The following FAM174B variants were observed in gnomAD, a reference collection of about 807,000 sequenced individuals.
FAM174B encodes the protein family with sequence similarity 174 member B.
FAM174B carries 12 observed loss-of-function variants against 10.9 expected under a neutral mutation model. That is an observed-to-expected ratio of 1.10 (90% CI 0.71 to 1.79). FAM174B has a LOEUF of 1.79. Ranked by LOEUF, FAM174B falls within the 40% of genes most tolerant of loss-of-function variation. The probability of loss-of-function intolerance (pLI) is 0.00; values close to 1 mark genes in which losing one functional copy is unlikely to be tolerated. For missense variants in FAM174B, 266 were observed against 233.3 expected (o/e 1.14, Z -0.91); for synonymous variants, 132 against 115.8 (o/e 1.14, Z -0.90).
intron 2 of FAM174B, among the ~76,000 whole-genome samples, chr15:92,623,820 C>A (rs56265399): frequency 0.081 from 12,320 of 152,254 alleles, 788 homozygotes; most frequent in African/African-American, 0.17. Context: ...GACAGGGAAG[C>A]CCCTGGCAGT....
Position 92,626,635 on chromosome 15 carries a change from G to A in FAM174B, c.476+3579C>T, listed in dbSNP as rs192924820. 2.8e-3 allele frequency among the ~76,000 whole-genome samples: 433 copies of A among 152,198 alleles called. 2 individuals are homozygous for A. Among genetic ancestry groups the A allele is most frequent in the African/African-American group, 8.9e-3 (371 of 41,524 alleles). ...TGGGACAAAGGGGTTCTTTACGGCC[G>A]ATGGTCTGGAGCGGGAAACTTATAC... On this transcript the variant is annotated intron_variant, in intron 2 of 2. Coordinates refer to ENST00000327355, the MANE Select transcript of FAM174B (RefSeq NM_207446.3).
intron 1 of FAM174B, among the ~76,000 whole-genome samples, chr15:92,631,851 G>A (rs1257071130): frequency 6.6e-6 from 1 of 151,904 alleles, no homozygotes; most frequent in East Asian, 1.9e-4. Context: ...AAGCCCCAAA[G>A]ATCAAGATGT....
intron 2 of FAM174B, among the ~76,000 whole-genome samples, chr15:92,622,664 C>T (rs947079646): frequency 2.6e-5 from 4 of 152,246 alleles, no homozygotes; most frequent in African/African-American, 7.2e-5. Flanking sequence ...CTGGCTTAAA[C>T]GTCCCTTTGC....
chr15:92,628,678 C>T (rs948667987), intron 2 of FAM174B, among the ~76,000 whole-genome samples: 8 of 152,028 alleles, frequency 5.3e-5, no homozygotes, highest in Non-Finnish European at 1.0e-4. Flanking sequence ...ATAACCAATC[C>T]GTTTTAATGC....
intron 1 of FAM174B, among the ~76,000 whole-genome samples, chr15:92,632,172 A>G (rs2050823683): frequency 6.6e-6 from 1 of 152,230 alleles, no homozygotes; most frequent in Admixed American, 6.5e-5. Flanking sequence ...TTTTGTTTCC[A>G]TCATGAGGAT....
chr15:92,619,503 C>G (rs370127193), intron 2 of FAM174B, 44 bp from the exon 3 acceptor site: 1 of 1,604,324 alleles, frequency 6.2e-7, no homozygotes, highest in Non-Finnish European at 8.5e-7. Flanking sequence ...TCTGGCAGAG[C>G]CTCGCACCCA....
chr15:92,634,710 G>T (rs781757758), intron 1 of FAM174B: 2 of 152,166 alleles, frequency 1.3e-5, no homozygotes, highest in Non-Finnish European at 2.9e-5. Flanking sequence ...GGGCCACAGG[G>T]TGCCCAGACG....
At chr15:92,641,261 T>G (rs2050890045) in intron 1 of FAM174B, among the ~76,000 whole-genome samples, 1 of 152,218 alleles carries the variant, frequency 6.6e-6, no homozygotes, top group Non-Finnish European at 1.5e-5. Context: ...TCTCATTACT[T>G]GTTTGTGGAC....
intron 1 of FAM174B, among the ~76,000 whole-genome samples, chr15:92,637,006 C>CG (rs1279040868): frequency 2.6e-5 from 4 of 152,240 alleles, no homozygotes. Context: ...AGCCAGCCCA[C>CG]GCCCACTTCC....
At chr15:92,620,612 C>T (rs976372422) in intron 2 of FAM174B, among the ~76,000 whole-genome samples, 118 of 152,000 alleles carry the variant, frequency 7.8e-4, no homozygotes, top group African/African-American at 2.7e-3. Context: ...GTAAGGGGTT[C>T]GAGACCAGCC....
chr15:92,626,872 G>A (rs546966058), intron 2 of FAM174B, among the ~76,000 whole-genome samples: 2 of 152,136 alleles, frequency 1.3e-5, no homozygotes, highest in East Asian at 3.9e-4. Flanking sequence ...CCAACATGGT[G>A]AAACCCCGTC....
At chr15:92,633,291 T>C (rs142403171) in intron 1 of FAM174B, among the ~76,000 whole-genome samples, 2 of 152,258 alleles carry the variant, frequency 1.3e-5, no homozygotes, top group African/African-American at 4.8e-5. Context: ...AAACTTCACT[T>C]TCAGATTTTC....
At chr15:92,630,167 A>G (rs1298277008) in intron 2 of FAM174B, 47 bp downstream of exon 2, 1 of 1,603,224 alleles carries the variant, frequency 6.2e-7, no homozygotes, top group Admixed American at 1.7e-5. Flanking sequence ...GGTCCCACCA[A>G]CCCACTGCCC....
At chr15:92,640,904 C>CA (rs2050887376) in intron 1 of FAM174B, among the ~76,000 whole-genome samples, 1 of 152,070 alleles carries the variant, frequency 6.6e-6, no homozygotes, top group African/African-American at 2.4e-5. Context: ...CTCAGCCTCC[C>CA]AAAGTGCTGG....
At chr15:92,633,240 C>T (rs1378056635) in intron 1 of FAM174B, among the ~76,000 whole-genome samples, 1 of 152,138 alleles carries the variant, frequency 6.6e-6, no homozygotes, top group Admixed American at 6.5e-5. Context: ...GTCTTCAGCA[C>T]GGAGAAACTC....
Position 92,655,739 on chromosome 15 carries a change from C to A in FAM174B, c.-80G>T. ...TCCGCACCAGCACGGAGGCCTGCAC[C>A]GGGGGATCCTGCGGCGGAGGCGGCT... On this transcript the variant is annotated 5_prime_UTR_variant, in exon 1 of 3. Transcript: ENST00000327355. 1 of 1,146,452 alleles carries A rather than the reference C, an allele frequency of 8.7e-7. No homozygotes were observed. The highest frequency in any genetic ancestry group is 1.1e-6 in the Non-Finnish European group (1 of 920,554). The allele number at this position is 1,146,452 out of a possible 1,614,324, so 71.0% of individuals were successfully genotyped here.
In FAM174B at chr15:92,655,362, C is replaced by A. The variant is rs746416191; in HGVS notation, c.298G>T (p.Ala100Ser). 1.9e-6 allele frequency: 3 copies of A among 1,589,678 alleles called. No individual in the cohort carries two copies. Among genetic ancestry groups the A allele is most frequent in the Non-Finnish European group, 2.6e-6 (3 of 1,168,766 alleles). ...CAGGCGATGAGGAGGGTGGTAAAGGCGAACGCCACGATCACGGCTGCCTTG... is the reference window on the plus strand; with the variant it reads ...CAGGCGATGAGGAGGGTGGTAAAGGAGAACGCCACGATCACGGCTGCCTTG... ...TLKAAVIVAF[A>S]FTTLLIACLL... The change falls in exon 1 of 3, where the codon GCC becomes TCC. Residue 100 changes from alanine to serine, a missense_variant. By Grantham distance (99) the Ala-to-Ser change is moderately conservative. Coordinates refer to ENST00000327355, the MANE Select transcript of FAM174B (RefSeq NM_207446.3).
chr15:92,618,810 C>T lies in FAM174B; in HGVS notation c.*646G>A, dbSNP rs868717460. On this transcript the variant is annotated 3_prime_UTR_variant, in exon 3 of 3. Transcript: ENST00000327355. The stretch of plus-strand genomic sequence containing the variant: ...CTGGAAATTCTTTGTGAACTAGCCA[C>T]GCTGATTTCTGCTGAACCTTTTTTT... 7 of 172,702 alleles carry T rather than the reference C, an allele frequency of 4.1e-5. No individual in the cohort carries two copies. The highest frequency in any genetic ancestry group is 1.7e-4 in the Admixed American group (3 of 17,492). 10.7% of individuals were successfully genotyped at this position (172,702 alleles called of 1,614,324 possible).
intron 1 of FAM174B, among the ~76,000 whole-genome samples, chr15:92,649,183 G>T (rs561769118): frequency 6.6e-6 from 1 of 152,222 alleles, no homozygotes; most frequent in Non-Finnish European, 1.5e-5. Flanking sequence ...GAAAGTCTAT[G>T]GGTAATGCCA....
Sources: allele counts gnomAD v4.1 joint callset (sites outside exome capture counted in the v4.1 genomes callset), GRCh38; gene constraint gnomAD v4.1.1; transcripts MANE v1.5; gene names NCBI Gene and HGNC (gene_info 2026-07-23, HGNC 2026-07-21).